The following ABCA13 variants were observed in gnomAD, a reference collection of about 807,000 sequenced individuals.
ABCA13 encodes the protein ATP binding cassette subfamily A member 13.
Under a neutral mutation model 478.7 loss-of-function variants are expected in ABCA13, and 476 were observed. The ratio of observed to expected loss-of-function variants is 0.99; its 90% CI spans 0.92 to 1.07. The LOEUF (loss-of-function observed/expected upper bound fraction) is 1.07, where lower values mean the gene tolerates loss of function less well. Among genes scored for constraint, ABCA13 ranks in the 50% least tolerant of loss-of-function variants. ABCA13 has a pLI of 0.00. For synonymous variants in ABCA13, 2,252 were observed against 2,158.9 expected, an observed-to-expected ratio of 1.04 and a Z score of -1.20; for missense variants, 6,060 against 5,910.6, an observed-to-expected ratio of 1.03 and a Z score of -0.83.
chr7:48,571,443 T>C (rs1343434953), intron 55 of ABCA13, among the ~76,000 whole-genome samples: 1 of 152,148 alleles, frequency 6.6e-6, no homozygotes, highest in Non-Finnish European at 1.5e-5. Flanking sequence ...AAGATAGTCA[T>C]TTCTTCTTTA....
chr7:48,195,723 C>G (rs1325868136), intron 2 of ABCA13, among the ~76,000 whole-genome samples: 1 of 152,044 alleles, frequency 6.6e-6, no homozygotes, highest in Non-Finnish European at 1.5e-5. Flanking sequence ...GAACATAGGC[C>G]TCAAGAAGAG....
At chr7:48,298,189 A>T (rs1373427645) in intron 22 of ABCA13, among the ~76,000 whole-genome samples, 177 bp from the exon 23 acceptor site, 3 of 152,200 alleles carry the variant, frequency 2.0e-5, no homozygotes, top group African/African-American at 7.2e-5. Flanking sequence ...GTTTATTGTC[A>T]TATAAATTAT....
At chr7:48,173,973 T>C (rs551651633) in intron 1 of ABCA13, among the ~76,000 whole-genome samples, 1 of 152,230 alleles carries the variant, frequency 6.6e-6, no homozygotes, top group South Asian at 2.1e-4. Flanking sequence ...GCTTGCACAG[T>C]TGGGTTAGAA....
intron 15 of ABCA13, among the ~76,000 whole-genome samples, chr7:48,261,818 T>A (rs2128723680): frequency 6.6e-6 from 1 of 152,042 alleles, no homozygotes; most frequent in Middle Eastern, 3.4e-3. Context: ...CCCCAGTTTG[T>A]AATGATTCTA....
At chr7:48,314,128 T>A in intron 25 of ABCA13, 104 bp from the exon 26 acceptor site, 1 of 1,250,362 alleles carries the variant, frequency 8.0e-7, no homozygotes, top group East Asian at 2.5e-5. Context: ...ACTTGTTGAA[T>A]ATCTTGTACA....
chr7:48,172,392 GCCAGAATATTCTATCTC>G (rs1259868764), intron 1 of ABCA13, among the ~76,000 whole-genome samples: 1,548 of 152,294 alleles, frequency 0.01, 27 homozygotes, highest in African/African-American at 0.035. Context: ...AATCCTCCGA[GCCAGAATATTCTATCTC>G]TCTGTCTTGA....
chr7:48,320,615 G>C (rs569212195), intron 27 of ABCA13, among the ~76,000 whole-genome samples: 4 of 147,464 alleles, frequency 2.7e-5, no homozygotes, highest in African/African-American at 9.8e-5. Flanking sequence ...GAAGAACAAT[G>C]TGTAGACACA....
intron 55 of ABCA13, among the ~76,000 whole-genome samples, chr7:48,553,395 C>A (rs551134887): frequency 6.6e-6 from 1 of 152,096 alleles, no homozygotes; most frequent in African/African-American, 2.4e-5. Context: ...AAACTTTTCT[C>A]CATAGTGACT....
intron 56 of ABCA13, among the ~76,000 whole-genome samples, chr7:48,583,517 G>A (rs1445287919): frequency 6.6e-6 from 1 of 152,212 alleles, no homozygotes; most frequent in Non-Finnish European, 1.5e-5. Flanking sequence ...GTTTATGGAA[G>A]TCCTACTATG....
Position 48,387,679 on chromosome 7 carries a change from T to C in ABCA13, c.11336-143T>C, listed in dbSNP as rs959921194. ...CACTGCAAAACTAATAGCTGTGCCC[T>C]GGGATATCACATTTTGTATATGGGA... On this transcript the variant is annotated intron_variant, in intron 35 of 61. Transcript: ENST00000435803. 9.6e-6 allele frequency: 7 copies of C among 728,656 alleles called. No individual in the cohort carries two copies. The African/African-American group carries it at 1.3e-4, about 13-fold the overall frequency. The allele number at this position is 728,656 out of a possible 1,614,324, so 45.1% of individuals were successfully genotyped here.
chr7:48,184,471 G>A (rs1796101044), intron 1 of ABCA13, among the ~76,000 whole-genome samples: 3 of 152,148 alleles, frequency 2.0e-5, no homozygotes, highest in African/African-American at 4.8e-5. Flanking sequence ...TCTTATTTAA[G>A]CATTAAAAAG....
chr7:48,538,150 G>T (rs1388423867), intron 55 of ABCA13, among the ~76,000 whole-genome samples: 4 of 139,456 alleles, frequency 2.9e-5, no homozygotes, highest in Non-Finnish European at 4.5e-5. Context: ...ACCCAGCCTG[G>T]AGTGCAGTGG....
chr7:48,645,660 C>A lies in ABCA13; in HGVS notation c.*148C>A, dbSNP rs1795397393. ...CTCTTGTTCATTTTCTATTTTGAATCTCCTTGTTAGTTAATAACCACCAAA... is the reference window on the plus strand; with the variant it reads ...CTCTTGTTCATTTTCTATTTTGAATATCCTTGTTAGTTAATAACCACCAAA... On this transcript the variant is annotated 3_prime_UTR_variant, in exon 62 of 62. Coordinates refer to ENST00000435803, the MANE Select transcript of ABCA13 (RefSeq NM_152701.5). 1 of 694,866 alleles carries A rather than the reference C, an allele frequency of 1.4e-6. No homozygotes were observed. The highest frequency in any genetic ancestry group is 2.4e-6 in the Non-Finnish European group (1 of 421,216). 43.0% of individuals were successfully genotyped at this position (694,866 alleles called of 1,614,324 possible). A position where few individuals can be genotyped will look rare whatever the true frequency, so the allele number is the denominator to read the frequency against.
chr7:48,290,980 A>T (rs576764924), intron 20 of ABCA13, among the ~76,000 whole-genome samples: 1 of 151,930 alleles, frequency 6.6e-6, no homozygotes, highest in Admixed American at 6.5e-5. Context: ...AGAAAAGAAG[A>T]AAAAAGCAGA....
At chr7:48,228,040 C>T (rs1289352110) in intron 6 of ABCA13, among the ~76,000 whole-genome samples, 3 of 152,178 alleles carry the variant, frequency 2.0e-5, no homozygotes, top group Non-Finnish European at 4.4e-5. Flanking sequence ...GCATGGCCCT[C>T]TTTTATAACC....
At chr7:48,622,496 T>G (rs539467024) in intron 59 of ABCA13, among the ~76,000 whole-genome samples, 53 of 152,154 alleles carry the variant, frequency 3.5e-4, no homozygotes, top group Non-Finnish European at 5.4e-4. Flanking sequence ...GTAGAGTGTG[T>G]CCTAACGCGC....
intron 31 of ABCA13, among the ~76,000 whole-genome samples, chr7:48,367,209 C>T (rs1811814468): frequency 1.3e-5 from 2 of 152,016 alleles, no homozygotes; most frequent in African/African-American, 4.8e-5. Flanking sequence ...CCAATGCCAT[C>T]CAACATGTCT....
intron 27 of ABCA13, among the ~76,000 whole-genome samples, chr7:48,329,319 G>A (rs1026831423): frequency 2.0e-5 from 3 of 152,170 alleles, no homozygotes; most frequent in Admixed American, 6.5e-5. Flanking sequence ...GGTACAGTGC[G>A]AAAAGTGTAT....
chr7:48,586,598 T>A (rs62447338), intron 56 of ABCA13, among the ~76,000 whole-genome samples: 16,979 of 152,000 alleles, frequency 0.11, 1,333 homozygotes, highest in African/African-American at 0.23. Flanking sequence ...GGAGGGCGTG[T>A]GACAAGGGGT....
Sources: gnomAD v4.1 joint callset for allele counts (sites outside exome capture counted in the v4.1 genomes callset) on GRCh38, gnomAD v4.1.1 for gene constraint, MANE v1.5 for transcripts, NCBI Gene and HGNC (gene_info 2026-07-23, HGNC 2026-07-21) for gene names.